C8B: variants seen among roughly 807,000 people sequenced by gnomAD.
C8B encodes the protein complement C8 beta chain.
C8B carries 67 observed loss-of-function variants against 64.6 expected under a neutral mutation model. The observed-to-expected ratio is 1.04, with a 90% CI of 0.85 to 1.27. The LOEUF is 1.27. Among genes scored for constraint, C8B ranks in the 50% most tolerant of loss-of-function variants. C8B has a pLI of 0.00. For missense variants in C8B, 790 were observed against 725.2 expected (o/e 1.09, Z -1.03); for synonymous variants, 284 against 257.7 (o/e 1.10, Z -0.98).
At position 56,944,238 on chromosome 1, in the gene C8B, G is replaced by T. The variant is rs749467936; in HGVS notation, c.1106-414C>A. On this transcript the variant is annotated intron_variant, in intron 7 of 11. Transcript: ENST00000371237. The stretch of plus-strand genomic sequence containing the variant: ...GAAAAAGTGTGTTAATTAATTAGTT[G>T]AGAAAATGCATATAAAAAGTAAGGC... Among the ~76,000 whole-genome samples the T allele has an allele frequency of 2.0e-5, 3 of 150,026 alleles. No homozygotes were observed. In the East Asian group the frequency reaches 6.0e-4, roughly 30 times the overall value.
intron 9 of C8B, among the ~76,000 whole-genome samples, chr1:56,933,719 G>A (rs540696588): frequency 6.6e-6 from 1 of 152,214 alleles, no homozygotes; most frequent in South Asian, 2.1e-4. Context: ...TAAGTGCTAG[G>A]TATTAAGCAT....
intron 9 of C8B, among the ~76,000 whole-genome samples, chr1:56,936,169 G>T (rs757109322): frequency 1.2e-4 from 18 of 152,096 alleles, no homozygotes; most frequent in Non-Finnish European, 2.2e-4. Flanking sequence ...GTACATTCTT[G>T]CATTGGGTGT....
chr1:56,950,965 G>A (rs1156318941), intron 5 of C8B, among the ~76,000 whole-genome samples: 1 of 152,162 alleles, frequency 6.6e-6, no homozygotes, highest in African/African-American at 2.4e-5. Flanking sequence ...GATGGCACTG[G>A]ACACCCCAAT....
At chr1:56,943,439 C>T (rs77511726) in intron 8 of C8B, among the ~76,000 whole-genome samples, 166 of 152,218 alleles carry the variant, frequency 1.1e-3, no homozygotes, top group Middle Eastern at 3.4e-3. Context: ...TAGTTATACA[C>T]AAAAACATTA....
rs201996275 is a variant in C8B, at chr1:56,943,666, G to T, written c.1234+30C>A. The T allele has an allele frequency of 1.5e-3, 2,481 of 1,613,374 alleles. 5 individuals are homozygous for T. The highest frequency in any genetic ancestry group is 2.0e-3 in the Non-Finnish European group (2,323 of 1,179,388). On this transcript the variant is annotated intron_variant, in intron 8 of 11. Coordinates refer to ENST00000371237, the MANE Select transcript of C8B (RefSeq NM_000066.4). ...GGCACTAGGAGGATAAACATTATAAGTGTGGAAGTCACAAGCCCCTGTCAC... is the reference window on the plus strand; with the variant it reads ...GGCACTAGGAGGATAAACATTATAATTGTGGAAGTCACAAGCCCCTGTCAC...
At chr1:56,930,100 A>C (rs963375730) in intron 11 of C8B, among the ~76,000 whole-genome samples, 2 of 152,226 alleles carry the variant, frequency 1.3e-5, no homozygotes, top group Admixed American at 6.5e-5. Flanking sequence ...TAAATGGATG[A>C]ATGGATGAAT....
At chr1:56,957,194 T>A (rs1039088507) in intron 2 of C8B, among the ~76,000 whole-genome samples, 6 of 152,196 alleles carry the variant, frequency 3.9e-5, no homozygotes, top group African/African-American at 1.4e-4. Context: ...CAGTCAAGAT[T>A]TGCTGAATGT....
rs1644846639 is a variant in C8B, at chr1:56,941,016, G to T, written c.1235-4C>A. ...ATGGTGTCCCTCTTGTTTCTGTCTG[G>T]AATGGACACAGAGCTAGCAGGTCAC... On this transcript the variant is annotated splice_polypyrimidine_tract_variant and splice_region_variant and intron_variant, in intron 8 of 11. Coordinates refer to ENST00000371237, the MANE Select transcript of C8B (RefSeq NM_000066.4). 6.2e-7 allele frequency: 1 copy of T among 1,613,862 alleles called. No homozygotes were observed. The highest frequency in any genetic ancestry group is 1.3e-5 in the African/African-American group (1 of 74,958).
intron 9 of C8B, among the ~76,000 whole-genome samples, chr1:56,940,603 G>A (rs1370870423): frequency 1.3e-5 from 2 of 152,044 alleles, no homozygotes; most frequent in Admixed American, 6.6e-5. Context: ...GCTAGAATTA[G>A]AAGCTGATTG....
intron 9 of C8B, among the ~76,000 whole-genome samples, chr1:56,936,624 T>G (rs1252405100): frequency 1.3e-5 from 2 of 151,196 alleles, no homozygotes; most frequent in African/African-American, 4.9e-5. Flanking sequence ...AGACAGAGTC[T>G]TGCTCTGTCA....
chr1:56,949,405 C>T, intron 6 of C8B, 150 bp downstream of exon 6: 1 of 721,528 alleles, frequency 1.4e-6, no homozygotes, highest in East Asian at 2.7e-5. Flanking sequence ...CTATATGTGG[C>T]ACCTTGATCT....
intron 6 of C8B, among the ~76,000 whole-genome samples, chr1:56,946,966 C>T (rs1024188829): frequency 6.6e-6 from 1 of 152,194 alleles, no homozygotes; most frequent in Admixed American, 6.5e-5. Flanking sequence ...CTAGGCCTGC[C>T]TCAGTGACCT....
At chr1:56,961,578 C>T (rs856843) in intron 1 of C8B, among the ~76,000 whole-genome samples, 2 of 152,128 alleles carry the variant, frequency 1.3e-5, no homozygotes, top group African/African-American at 2.4e-5. Flanking sequence ...AGGGCCAGCA[C>T]TGACTCCAAT....
intron 1 of C8B, among the ~76,000 whole-genome samples, chr1:56,961,551 G>A (rs1645180767): frequency 6.6e-6 from 1 of 152,096 alleles, no homozygotes; most frequent in Admixed American, 6.5e-5. Context: ...GTTGCCCCAT[G>A]CTGCCTGGAA....
chr1:56,960,148 T>A lies in C8B; in HGVS notation c.121A>T (p.Asn41Tyr). The change falls in exon 2 of 12, where the codon AAT (asparagine) becomes TAT (tyrosine). Residue 41 changes from asparagine to tyrosine, a missense_variant. Asn to Tyr is a moderately radical substitution (Grantham distance 143). Transcript: ENST00000371237. The stretch of plus-strand genomic sequence containing the variant: ...TTAGCAAAGCTCTTGTTGACTGCAT[T>A]TGACCCAAAGGAATGTGGCCTTTCA... ...RGERPHSFGSNAVNKSFAKSR... is the reference protein window; with the variant it reads ...RGERPHSFGSYAVNKSFAKSR... The A allele has an allele frequency of 3.7e-6, 6 of 1,614,186 alleles. No individual in the cohort carries two copies. Among genetic ancestry groups the A allele is most frequent in the Middle Eastern group, 1.6e-4 (1 of 6,062 alleles).
intron 7 of C8B, 144 bp downstream of exon 7, chr1:56,945,676 AC>A: frequency 9.8e-7 from 1 of 1,022,886 alleles, no homozygotes; most frequent in East Asian, 2.4e-5. Flanking sequence ...AGGAGGACTG[AC>A]ATTGTCAATC....
chr1:56,948,916 T>C (rs1644980995), intron 6 of C8B, among the ~76,000 whole-genome samples: 1 of 152,122 alleles, frequency 6.6e-6, no homozygotes, highest in South Asian at 2.1e-4. Flanking sequence ...CTTAAGCTTA[T>C]TGAAACCCTA....
At chr1:56,933,590 C>A (rs959499678) in intron 9 of C8B, 102 bp from the exon 10 acceptor site, 3 of 966,760 alleles carry the variant, frequency 3.1e-6, no homozygotes, top group Admixed American at 1.9e-5. Flanking sequence ...TGTATAGAGA[C>A]CACATGTGGG....
rs375765321 is a variant in C8B, at chr1:56,943,750, C to T, written c.1180G>A (p.Val394Ile). 1.2e-5 allele frequency: 20 copies of T among 1,614,098 alleles called. No homozygotes were observed. The highest frequency in any genetic ancestry group is 5.0e-5 in the Admixed American group (3 of 60,028). ...TTGCCTACAGACACACCCAGACTGACGTAGACCTCTTCAATGGCACCACCA... is the reference window on the plus strand; with the variant it reads ...TTGCCTACAGACACACCCAGACTGATGTAGACCTCTTCAATGGCACCACCA... ...KIGGAIEEVY[V>I]SLGVSVGKCR... The change falls in exon 8 of 12, where the codon GTC becomes ATC. Residue 394 changes from valine to isoleucine, a missense_variant. Val to Ile is a conservative substitution (Grantham distance 29, BLOSUM62 3). Coordinates refer to ENST00000371237, the MANE Select transcript of C8B (RefSeq NM_000066.4).
Sources: gnomAD v4.1 joint callset for allele counts (sites outside exome capture counted in the v4.1 genomes callset) on GRCh38, gnomAD v4.1.1 for gene constraint, MANE v1.5 for transcripts, NCBI Gene and HGNC (gene_info 2026-07-23, HGNC 2026-07-21) for gene names.